Variants in TMEM131L observed in about 807,000 individuals in gnomAD.
The protein encoded by TMEM131L is transmembrane protein 131-like.
In TMEM131L, 54 loss-of-function variants were observed where a neutral mutation model predicts 192.2. The ratio of observed to expected loss-of-function variants is 0.28; its 90% CI spans 0.23 to 0.35. TMEM131L has a LOEUF of 0.35. TMEM131L is among the 10% of genes least tolerant of loss of function. The probability of loss-of-function intolerance (pLI) is 1.00; values close to 1 mark genes in which losing one functional copy is unlikely to be tolerated. For missense variants in TMEM131L, 1,888 were observed against 1,972.9 expected (o/e 0.96, Z 0.82); for synonymous variants, 701 against 704.9 (o/e 0.99, Z 0.09).
chr4:153,613,302 G>A (rs1468727968), intron 26 of TMEM131L, among the ~76,000 whole-genome samples: 1 of 152,028 alleles, frequency 6.6e-6, no homozygotes, highest in African/African-American at 2.4e-5. Flanking sequence ...CTAAAAATTT[G>A]GCAATTATAA....
chr4:153,469,337 A>ACACACACG (rs1730991663), intron 2 of TMEM131L, among the ~76,000 whole-genome samples: 1 of 151,864 alleles, frequency 6.6e-6, no homozygotes, highest in African/African-American at 2.4e-5. Context: ...ACACACACAC[A>ACACACACG]CACGTGTGTA....
intron 3 of TMEM131L, among the ~76,000 whole-genome samples, chr4:153,521,888 A>C (rs1458437937): frequency 6.9e-6 from 1 of 144,172 alleles, no homozygotes; most frequent in Non-Finnish European, 1.5e-5. Flanking sequence ...TGTTAACATC[A>C]TGTTGTTATT....
chr4:153,488,486 G>T (rs1433670210), intron 3 of TMEM131L, among the ~76,000 whole-genome samples: 2 of 152,140 alleles, frequency 1.3e-5, no homozygotes, highest in African/African-American at 4.8e-5. Flanking sequence ...AACAAAATTG[G>T]GACAAGGGCC....
At chr4:153,525,839 T>C (rs1277372963) in intron 3 of TMEM131L, among the ~76,000 whole-genome samples, 1 of 151,944 alleles carries the variant, frequency 6.6e-6, no homozygotes, top group Non-Finnish European at 1.5e-5. Context: ...GGCCTGCGAT[T>C]CCACATTCCT....
intron 3 of TMEM131L, among the ~76,000 whole-genome samples, chr4:153,535,288 G>A (rs796326684): frequency 1.1e-4 from 16 of 152,254 alleles, no homozygotes; most frequent in African/African-American, 3.9e-4. Flanking sequence ...GGTAAGATCA[G>A]GAGCTCAGTT....
intron 26 of TMEM131L, among the ~76,000 whole-genome samples, chr4:153,620,385 T>C (rs2126720970): frequency 6.6e-6 from 1 of 152,262 alleles, no homozygotes; most frequent in African/African-American, 2.4e-5. Flanking sequence ...AAGTTGAGTT[T>C]TTACCTAATT....
chr4:153,621,020 A>G, intron 27 of TMEM131L, 140 bp downstream of exon 27: 1 of 592,382 alleles, frequency 1.7e-6, no homozygotes, highest in Non-Finnish European at 2.9e-6. Flanking sequence ...TCTTAAGATT[A>G]AAATACATTT....
At chr4:153,526,504 G>A (rs999271065) in intron 3 of TMEM131L, among the ~76,000 whole-genome samples, 2 of 152,030 alleles carry the variant, frequency 1.3e-5, no homozygotes, top group Non-Finnish European at 2.9e-5. Context: ...GGAGTCCGAG[G>A]CAGGTGGATC....
chr4:153,573,244 C>T (rs766140020), intron 7 of TMEM131L, among the ~76,000 whole-genome samples: 4 of 152,234 alleles, frequency 2.6e-5, no homozygotes, highest in Admixed American at 2.6e-4. Context: ...AGCGTCCTTT[C>T]TTTTATAGCC....
In TMEM131L at chr4:153,603,876, A is replaced by G; in HGVS notation, c.2864A>G (p.Asn955Ser). ...AGGGGGAAGAACTGCCTTCCAGTGA[A>G]CACTCCCCAAAGCAGGATCCAGAAT... ...KGRGKNCLPV[N>S]TPQSRIQNAA... The change falls in exon 25 of 35, where the codon AAC becomes AGC. Residue 955 changes from asparagine (N) to serine (S), a missense_variant. Physicochemically the swap from Asn to Ser is conservative, Grantham distance 46. Transcript: ENST00000409959. The G allele has an allele frequency of 6.2e-7, 1 of 1,614,070 alleles. No homozygotes were observed. Among genetic ancestry groups the G allele is most frequent in the Non-Finnish European group, 8.5e-7 (1 of 1,179,962 alleles).
At chr4:153,489,448 C>A (rs1732610012) in intron 3 of TMEM131L, among the ~76,000 whole-genome samples, 1 of 152,250 alleles carries the variant, frequency 6.6e-6, no homozygotes, top group African/African-American at 2.4e-5. Context: ...AAGGAAAATT[C>A]TTTATTTTCA....
chr4:153,587,883 A>G (rs1427235288), intron 15 of TMEM131L, 72 bp downstream of exon 15: 1 of 1,027,516 alleles, frequency 9.7e-7, no homozygotes, highest in Non-Finnish European at 1.5e-6. Flanking sequence ...GAAAATTAGC[A>G]TTTGTCAATG....
At chr4:153,497,569 A>G (rs1200466346) in intron 3 of TMEM131L, among the ~76,000 whole-genome samples, 2 of 152,180 alleles carry the variant, frequency 1.3e-5, no homozygotes, top group African/African-American at 2.4e-5. Flanking sequence ...ATTAGGTCTT[A>G]CATTTTATGT....
chr4:153,576,725 T>A (rs896872613), intron 7 of TMEM131L, among the ~76,000 whole-genome samples: 5 of 152,112 alleles, frequency 3.3e-5, no homozygotes, highest in Non-Finnish European at 5.9e-5. Context: ...TGTGTTAATA[T>A]GATTTTTTTC....
rs1242022150 is a variant in TMEM131L at position 153,531,388 on chromosome 4, C to T, written c.240-18685C>T. 3.9e-5 allele frequency among the ~76,000 whole-genome samples: 6 copies of T among 152,234 alleles called. No homozygotes were observed. In the South Asian group the frequency reaches 6.2e-4, roughly 16 times the overall value. On this transcript the variant is annotated intron_variant, in intron 3 of 34. Transcript: ENST00000409959. ...AGGGAGGAAGTGTTTAGGAGCTACA[C>T]ATTTTTAAAGATTCCACTACAGAGG...
At chr4:153,609,807 G>A (rs74666315) in intron 25 of TMEM131L, among the ~76,000 whole-genome samples, 6,464 of 152,194 alleles carry the variant, frequency 0.042, 291 homozygotes, top group African/African-American at 0.11. Flanking sequence ...GAGAGTAATG[G>A]CACCTATTTT....
intron 3 of TMEM131L, among the ~76,000 whole-genome samples, chr4:153,509,365 CAAA>C (rs35715077): frequency 1.5e-5 from 2 of 136,012 alleles, no homozygotes; most frequent in African/African-American, 5.3e-5. Flanking sequence ...GACCCTGTCT[CAAA>C]AAAAAAAAAG....
rs543210130 is a variant in TMEM131L, at chr4:153,520,578, G to A, written c.240-29495G>A. ...TCAATATTTTTCACACTTTGGGCAG[G>A]AAACTGGGAAGGCCCTAGGTCTCCA... is the stretch of plus-strand genomic sequence containing the variant. On this transcript the variant is annotated intron_variant, in intron 3 of 34. Coordinates refer to ENST00000409959, the MANE Select transcript of TMEM131L (RefSeq NM_001131007.2). Among the ~76,000 whole-genome samples, 5 of 152,322 alleles carry A rather than the reference G, an allele frequency of 3.3e-5. No individual in the cohort carries two copies. The East Asian group carries it at 9.6e-4, about 29-fold the overall frequency.
intron 3 of TMEM131L, among the ~76,000 whole-genome samples, chr4:153,501,943 G>GTTTTTTTTTTTTTT (rs575832226): frequency 8.5e-6 from 1 of 117,400 alleles, no homozygotes; most frequent in African/African-American, 3.6e-5. Flanking sequence ...CCCCCAAAGG[G>GTTTTTTTTTTTTTT]TTTTTTTTTT....
Sources: gnomAD v4.1 joint callset for allele counts (sites outside exome capture counted in the v4.1 genomes callset) on GRCh38, gnomAD v4.1.1 for gene constraint, MANE v1.5 for transcripts, NCBI Gene and HGNC (gene_info 2026-07-23, HGNC 2026-07-21) for gene names.